Variants in ATG7 observed in about 807,000 individuals in gnomAD.
The protein encoded by ATG7 is ubiquitin-like modifier-activating enzyme ATG7.
ATG7 carries 70 observed loss-of-function variants against 82.4 expected under a neutral mutation model. That is an observed-to-expected ratio of 0.85 (90% CI 0.70 to 1.04). The LOEUF (loss-of-function observed/expected upper bound fraction) is 1.04, where lower values mean the gene tolerates loss of function less well. Ranked by LOEUF, ATG7 falls within the 50% of genes least tolerant of loss-of-function variation. The pLI is 0.00. For missense variants in ATG7, 792 were observed against 864.3 expected, an observed-to-expected ratio of 0.92 and a Z score of 1.05; for synonymous variants, 287 against 313.0, an observed-to-expected ratio of 0.92 and a Z score of 0.88.
chr3:11,388,393 T>C (rs2078479880), intron 19 of ATG7, among the ~76,000 whole-genome samples: 2 of 151,550 alleles, frequency 1.3e-5, no homozygotes, highest in Admixed American at 6.6e-5. Flanking sequence ...TGACTCCTGA[T>C]GGGCAAAGGT....
intron 19 of ATG7, among the ~76,000 whole-genome samples, chr3:11,398,523 G>A (rs1382703857): frequency 2.0e-5 from 3 of 152,122 alleles, no homozygotes; most frequent in African/African-American, 7.2e-5. Context: ...TTAACTGAAT[G>A]ATTAAAAAAA....
chr3:11,364,677 C>T lies in ATG7; in HGVS notation c.1818C>T (p.Ser606=). 2 of 1,614,146 alleles carry T rather than the reference C, an allele frequency of 1.2e-6. No individual in the cohort carries two copies. Among genetic ancestry groups the T allele is most frequent in the Non-Finnish European group, 1.7e-6 (2 of 1,180,002 alleles). The change falls in exon 18 of 21, where the codon AGC becomes AGT. Residue 606 remains serine, a synonymous_variant. Coordinates refer to ENST00000693202, the MANE Select transcript of ATG7 (RefSeq NM_001349232.2). ...TCCTCAGGGGCTATGCCATTGCCAG[C>T]AGCAGTGACGATCGGATGAATGAGC... ...QHPEGGYAIA[S]SSDDRMNEPP...
chr3:11,564,042 C>T, the ATG7 span, among the ~76,000 whole-genome samples: 1 of 152,330 alleles, frequency 6.6e-6, no homozygotes, highest in Non-Finnish European at 1.5e-5. Flanking sequence ...GCACCATCCT[C>T]TCTGTCAGTC....
intron 20 of ATG7, among the ~76,000 whole-genome samples, chr3:11,486,830 T>G (rs140670708): frequency 0.37 from 52,389 of 141,102 alleles, 9,684 homozygotes; most frequent in East Asian, 0.72. Flanking sequence ...GTTTTTTTTT[T>G]TTTTTTTTTT....
chr3:11,428,185 T>C (rs546262778), intron 20 of ATG7, among the ~76,000 whole-genome samples: 2 of 152,334 alleles, frequency 1.3e-5, no homozygotes, highest in East Asian at 3.9e-4. Flanking sequence ...AATGATTGCA[T>C]GGGTGCAAAG....
At chr3:11,528,774 C>T (rs532412017) in intron 20 of ATG7, among the ~76,000 whole-genome samples, 19 of 141,890 alleles carry the variant, frequency 1.3e-4, no homozygotes, top group Non-Finnish European at 2.1e-4. Flanking sequence ...TGCAGTGAGC[C>T]GAGATGGTGC....
chr3:11,464,689 C>T (rs2086659350), intron 20 of ATG7, among the ~76,000 whole-genome samples: 2 of 152,174 alleles, frequency 1.3e-5, no homozygotes, highest in African/African-American at 4.8e-5. Context: ...CTGTGAAAGT[C>T]ATTGCGAGTA....
intron 20 of ATG7, chr3:11,477,218 G>T: frequency 7.8e-7 from 1 of 1,287,278 alleles, no homozygotes; most frequent in Non-Finnish European, 1.0e-6. Flanking sequence ...TTCTGTGAAT[G>T]GAATCTTTTA....
chr3:11,548,702 A>C (rs1448513567), intron 20 of ATG7, among the ~76,000 whole-genome samples: 1 of 152,214 alleles, frequency 6.6e-6, no homozygotes, highest in African/African-American at 2.4e-5. Context: ...CAGCCGATTG[A>C]ACTCACTGTG....
chr3:11,497,026 A>C (rs2090885249), intron 20 of ATG7, among the ~76,000 whole-genome samples: 1 of 151,110 alleles, frequency 6.6e-6, no homozygotes, highest in Non-Finnish European at 1.5e-5. Flanking sequence ...TAATTTTTGT[A>C]TTTTAGTAGA....
At chr3:11,325,255 TG>T (rs1950710290) in intron 9 of ATG7, among the ~76,000 whole-genome samples, 1 of 152,162 alleles carries the variant, frequency 6.6e-6, no homozygotes, top group South Asian at 2.1e-4. Flanking sequence ...GTCATGGTGG[TG>T]GATTGGACTG....
chr3:11,440,875 G>T (rs971798509), intron 20 of ATG7, among the ~76,000 whole-genome samples: 3 of 150,910 alleles, frequency 2.0e-5, no homozygotes, highest in Non-Finnish European at 4.4e-5. Context: ...GTAGAGATGG[G>T]GTTTTGCCAT....
At chr3:11,571,400 G>A in the ATG7 span, among the ~76,000 whole-genome samples, 1 of 152,162 alleles carries the variant, frequency 6.6e-6, no homozygotes, top group African/African-American at 2.4e-5. Flanking sequence ...TCTCCATAAA[G>A]GGGCCAGGTG....
chr3:11,280,752 T>C (rs1353296793), intron 1 of ATG7, among the ~76,000 whole-genome samples: 2 of 152,220 alleles, frequency 1.3e-5, no homozygotes, highest in Non-Finnish European at 2.9e-5. Context: ...TTATTGAATA[T>C]GTTTATTTGC....
At chr3:11,357,841 T>C (rs1254618471) in intron 14 of ATG7, among the ~76,000 whole-genome samples, 6 of 151,518 alleles carry the variant, frequency 4.0e-5, no homozygotes, top group African/African-American at 1.5e-4. Context: ...GAGACCTATC[T>C]CTACTAAAAA....
intron 20 of ATG7, among the ~76,000 whole-genome samples, chr3:11,535,590 A>G (rs981561766): frequency 4.6e-5 from 7 of 152,178 alleles, no homozygotes; most frequent in Non-Finnish European, 1.0e-4. Flanking sequence ...CAAGCCCTAC[A>G]GGAGGACTCA....
At chr3:11,480,719 C>T (rs991210047) in intron 20 of ATG7, among the ~76,000 whole-genome samples, 5 of 152,206 alleles carry the variant, frequency 3.3e-5, no homozygotes, top group Non-Finnish European at 5.9e-5. Flanking sequence ...ACTTGAAACC[C>T]AGGCTTCTCA....
chr3:11,567,851 CAT>C, the ATG7 span, among the ~76,000 whole-genome samples: 1 of 152,212 alleles, frequency 6.6e-6, no homozygotes, highest in African/African-American at 2.4e-5. Flanking sequence ...TTGTTAACAA[CAT>C]GAGTGAATGG....
Position 11,362,815 on chromosome 3 carries a change from A to G in ATG7, c.1686A>G (p.Ser562=), listed in dbSNP as rs762981575. The change falls in exon 17 of 21, where the codon TCA becomes TCG. Residue 562 remains serine (S), a splice_region_variant and synonymous_variant. Transcript: ENST00000693202. ...FCNDVVAPGD[S]TRDRTLDQQC... is the part of the protein sequence containing the mutation. ...CACCAATGATTGTTTCTTTGCAGTC[A>G]ACCAGAGACCGGACCTTGGACCAGC... The G allele has an allele frequency of 6.2e-7, 1 of 1,613,936 alleles. No homozygotes were observed. The highest frequency in any genetic ancestry group is 8.5e-7 in the Non-Finnish European group (1 of 1,179,880).
Sources: allele counts gnomAD v4.1 joint callset (sites outside exome capture counted in the v4.1 genomes callset), GRCh38; gene constraint gnomAD v4.1.1; transcripts MANE v1.5; gene names NCBI Gene and HGNC (gene_info 2026-07-23, HGNC 2026-07-21).